The following PARP10 variants were observed in gnomAD, a reference collection of about 807,000 sequenced individuals.
The protein encoded by PARP10 is poly(ADP-ribose) polymerase family member 10.
PARP10 carries 56 observed loss-of-function variants against 82.4 expected under a neutral mutation model. That is an observed-to-expected ratio of 0.68 (90% CI 0.55 to 0.85). The LOEUF is 0.85. Among genes scored for constraint, PARP10 ranks in the 40% least tolerant of loss-of-function variants. The pLI is 0.00. For missense variants in PARP10, 1,227 were observed against 1,379.4 expected, an observed-to-expected ratio of 0.89 and a Z score of 1.75; for synonymous variants, 576 against 601.1, an observed-to-expected ratio of 0.96 and a Z score of 0.61.
At position 144,001,303 on chromosome 8, in the gene PARP10, G is replaced by A. The variant is rs372942161; in HGVS notation, c.-80+11227C>T. On this transcript the variant is annotated intron_variant, in intron 1 of 3. Transcript: ENST00000530478. ...CACGGCTCATGCAGCCTGGACCTTT[G>A]GAATCCAGCGACGCTCCTACCTCAG... Among the ~76,000 whole-genome samples, 7 of 151,986 alleles carry A rather than the reference G, an allele frequency of 4.6e-5. No homozygotes were observed. In the South Asian group the frequency reaches 1.5e-3, roughly 32 times the overall value.
chr8:144,007,868 G>A (rs911685113), intron 1 of PARP10, among the ~76,000 whole-genome samples: 4 of 152,302 alleles, frequency 2.6e-5, no homozygotes, highest in South Asian at 2.1e-4. Context: ...CAGTGGCCCC[G>A]CCTGCTGGAT....
At chr8:143,994,830 C>T (rs528269970), upstream of PARP10, among the ~76,000 whole-genome samples, 41 of 152,260 alleles carry the variant, frequency 2.7e-4, no homozygotes, top group African/African-American at 8.2e-4. Flanking sequence ...TCTGGGTGCC[C>T]GCCTGTGCTC....
rs571216638 is a variant in PARP10, at chr8:144,011,525, G to T, written c.-80+1005C>A. On this transcript the variant is annotated intron_variant, in intron 1 of 3. Coordinates refer to the PARP10 transcript ENST00000530478. The surrounding 1 kb of genome is among the most constrained non-coding windows in gnomAD (Gnocchi z 4.5). The stretch of plus-strand genomic sequence containing the variant: ...TATCCTCTCCCTGCCCCAAAAAGAG[G>T]TTTGAGGGAGAACAGCCACAGAGCC... Among the ~76,000 whole-genome samples the T allele has an allele frequency of 1.1e-4, 16 of 152,272 alleles. No homozygotes were observed. The South Asian group carries it at 3.3e-3, about 32-fold the overall frequency.
chr8:143,991,596 C>A (rs781819151), upstream of PARP10: 2 of 1,606,130 alleles, frequency 1.2e-6, no homozygotes, highest in Non-Finnish European at 1.7e-6. Context: ...AGGACAAGAC[C>A]CTGACTGTGA....
upstream of PARP10, chr8:143,990,585 A>C (rs1587466112): frequency 3.1e-5 from 4 of 127,902 alleles, no homozygotes; most frequent in Admixed American, 7.6e-5. The surrounding 1 kb of genome is among the most constrained non-coding windows in gnomAD (Gnocchi z 5.6). Context: ...ACACCCCCGC[A>C]CCCCGCTGTT....
chr8:143,982,805 G>A (rs1833892439), intron 9 of PARP10, 127 bp downstream of exon 9: 2 of 1,443,084 alleles, frequency 1.4e-6, no homozygotes, highest in African/African-American at 2.8e-5. Context: ...ACAGGGCTGG[G>A]AGCCTGTCAG....
rs1554748131 is a variant in PARP10 at position 143,983,201 on chromosome 8, ACT to A, written c.2386_2387del (p.Ser796PhefsTer70). 2.5e-6 allele frequency: 4 copies of A among 1,613,738 alleles called. No individual in the cohort carries two copies. The South Asian group carries it at 4.4e-5, about 18-fold the overall frequency. Reference sequence around the variant, plus strand: ...CTGAAGCTGCCAAGGGAAAGGCCAAACTCTGATCCCAGGGGCCAGCCAGAAGT... The same window carrying A: ...CTGAAGCTGCCAAGGGAAAGGCCAAACTGATCCCAGGGGCCAGCCAGAAGT... The part of the protein sequence containing the change: ...VALLAGPWDQ[S>X]LAFPLAASGP... On this transcript the variant is annotated frameshift_variant, in exon 8 of 11. Coordinates refer to ENST00000313028, the MANE Select transcript of PARP10 (RefSeq NM_032789.5). LOFTEE classifies it high-confidence loss of function.
At chr8:143,989,255 G>T (rs1834050041), upstream of PARP10, among the ~76,000 whole-genome samples, 1 of 152,210 alleles carries the variant, frequency 6.6e-6, no homozygotes, top group South Asian at 2.1e-4. The surrounding 1 kb of genome is among the most constrained non-coding windows in gnomAD (Gnocchi z 4.3). Flanking sequence ...CCCCCAAGAG[G>T]ACTTGGGAGC....
In PARP10 at chr8:143,977,699, G is replaced by T; in HGVS notation, c.2863C>A (p.Gln955Lys). ...GGCGCCCGCAGACCGCGGCGGCCCT[G>T]CCCGTAGTCGCCAGTCAGCACCCGT... Reference protein sequence around the residue: ...VARVLTGDYGQGRRGLRAPPL... With the variant: ...VARVLTGDYGKGRRGLRAPPL... The change falls in exon 11 of 11, where the codon CAG (glutamine) becomes AAG (lysine). Residue 955 changes from glutamine to lysine, a missense_variant. Coordinates refer to ENST00000313028, the MANE Select transcript of PARP10 (RefSeq NM_032789.5). 6.3e-7 allele frequency: 1 copy of T among 1,592,164 alleles called. No homozygotes were observed. Among genetic ancestry groups the T allele is most frequent in the East Asian group, 2.3e-5 (1 of 43,294 alleles).
At chr8:143,982,690 G>A (rs562188392) in intron 9 of PARP10, among the ~76,000 whole-genome samples, 3 of 152,308 alleles carry the variant, frequency 2.0e-5, no homozygotes, top group South Asian at 2.1e-4. Context: ...ACCCAGCCAC[G>A]AGTGGCAGAG....
chr8:144,005,195 C>G (rs533650078), intron 1 of PARP10, among the ~76,000 whole-genome samples: 1 of 148,806 alleles, frequency 6.7e-6, no homozygotes, highest in Non-Finnish European at 1.5e-5. Context: ...AAAAAAAAAG[C>G]TACCAAGAGA....
At chr8:143,993,822 C>CA (rs1204777614), upstream of PARP10, among the ~76,000 whole-genome samples, 42 of 152,234 alleles carry the variant, frequency 2.8e-4, 1 homozygote, top group African/African-American at 8.4e-4. Context: ...TCTGTGTGGG[C>CA]ACCCTGATAT....
Position 143,980,471 on chromosome 8 carries a change from G to A in PARP10, c.2557-2390C>T, listed in dbSNP as rs554216671. ...CAAGAGGTGGAGGTTGCAGTGAGCC[G>A]AGATCATGCCACTGCACTCTAGCCT... On this transcript the variant is annotated intron_variant, in intron 9 of 10. Coordinates refer to ENST00000313028, the MANE Select transcript of PARP10 (RefSeq NM_032789.5). 4.9e-3 allele frequency among the ~76,000 whole-genome samples: 733 copies of A among 150,746 alleles called. 6 individuals are homozygous for A. Among genetic ancestry groups the A allele is most frequent in the Admixed American group, 9.4e-3 (142 of 15,140 alleles).
At position 143,977,792 on chromosome 8, in the gene PARP10, C is replaced by G; in HGVS notation, c.2770G>C (p.Ala924Pro). The part of the protein sequence containing the change: ...YGKGVYFARR[A>P]SLSVQDRYSP... ...TAGCGGTCCTGCACCGACAGGGAGG[C>G]GCGCCTGGCGAAATACACGCCCTTC... Residue 924 changes from alanine to proline, a missense_variant, in exon 11 of 11, where the codon GCC (alanine) becomes CCC (proline). Ala to Pro is a conservative substitution (Grantham distance 27, BLOSUM62 -1). Transcript: ENST00000313028. 1 of 1,601,346 alleles carries G rather than the reference C, an allele frequency of 6.2e-7. No individual in the cohort carries two copies.
In PARP10 at chr8:143,985,905, T is replaced by C. The variant is rs782745388; in HGVS notation, c.252A>G (p.Pro84=). 1.9e-6 allele frequency: 3 copies of C among 1,582,784 alleles called. No individual in the cohort carries two copies. The highest frequency in any genetic ancestry group is 2.6e-6 in the Non-Finnish European group (3 of 1,161,032). ...GCAGCAGGCGTGCAGGGGCTCGTGG[T>C]GGAGCTGGCCGCAGGCTCAGCTGGG... ...HGAQLSLRPA[P]PRAPARLLLQ... Residue 84 remains proline (P), a synonymous_variant, in exon 3 of 11, where the codon CCA becomes CCG. Transcript: ENST00000313028.
chr8:143,977,878 C>A, intron 10 of PARP10, 29 bp downstream of exon 10: 3 of 1,598,050 alleles, frequency 1.9e-6, no homozygotes, highest in Non-Finnish European at 2.6e-6. Flanking sequence ...GTGCGCAGAG[C>A]CCCCGCCCCT....
At chr8:143,994,428 A>G (rs138813977), upstream of PARP10, among the ~76,000 whole-genome samples, 1,783 of 151,940 alleles carry the variant, frequency 0.012, 15 homozygotes, top group Middle Eastern at 0.037. Context: ...TGAAACATCA[A>G]TCACATCCGT....
chr8:143,991,294 G>A (rs782051621), upstream of PARP10: 7 of 1,477,558 alleles, frequency 4.7e-6, no homozygotes, highest in Admixed American at 8.8e-5. Flanking sequence ...TATCCGGGGG[G>A]GCCCCAGCCA....
chr8:143,991,168 C>T (rs1834085993), upstream of PARP10: 17 of 1,303,886 alleles, frequency 1.3e-5, no homozygotes, highest in Non-Finnish European at 1.8e-5. Flanking sequence ...GTCAAGCCAA[C>T]TGTTCCACTG....
Sources: gnomAD v4.1 joint callset for allele counts (sites outside exome capture counted in the v4.1 genomes callset) on GRCh38, gnomAD v4.1.1 for gene constraint, Gnocchi (gnomAD v3.1) non-coding constraint, MANE v1.5 for transcripts, NCBI Gene and HGNC (gene_info 2026-07-23, HGNC 2026-07-21) for gene names.